Variants in PSD3 observed in about 807,000 individuals in gnomAD.
PSD3 encodes the protein pleckstrin and Sec7 domain containing 3, also known as PH and SEC7 domain-containing protein 3.
PSD3 carries 49 observed loss-of-function variants against 105.5 expected under a neutral mutation model. That is an observed-to-expected ratio of 0.46 (90% CI 0.37 to 0.59). The LOEUF (loss-of-function observed/expected upper bound fraction) is 0.59. Ranked by LOEUF, PSD3 falls within the 20% of genes least tolerant of loss-of-function variation. The probability of loss-of-function intolerance (pLI) is 0.00; values close to 1 mark genes in which losing one functional copy is unlikely to be tolerated. For synonymous variants in PSD3, 557 were observed against 457.8 expected (o/e 1.22, Z -2.77); for missense variants, 1,561 against 1,263.8 (o/e 1.24, Z -3.57).
intron 2 of PSD3, among the ~76,000 whole-genome samples, chr8:18,932,004 T>G (rs1350733513): frequency 1.3e-5 from 2 of 152,218 alleles, no homozygotes; most frequent in African/African-American, 4.8e-5. Context: ...TCTTGAGTCC[T>G]CAGTTTCCAC....
intron 1 of PSD3, among the ~76,000 whole-genome samples, chr8:19,078,148 G>A (rs553732926): frequency 6.6e-6 from 1 of 151,774 alleles, no homozygotes; most frequent in East Asian, 1.9e-4. Context: ...TTCCTTCCTC[G>A]GCCTCCCAAA....
At chr8:18,594,671 C>T (rs935708703) in intron 12 of PSD3, among the ~76,000 whole-genome samples, 2 of 151,054 alleles carry the variant, frequency 1.3e-5, no homozygotes, top group African/African-American at 4.9e-5. Context: ...TTCTAGGACC[C>T]CTGATGGACA....
intron 14 of PSD3, among the ~76,000 whole-genome samples, chr8:18,568,447 AG>A (rs1296475311): frequency 2.0e-5 from 3 of 151,938 alleles, no homozygotes; most frequent in Non-Finnish European, 4.4e-5. Flanking sequence ...CTAAGAAGCA[AG>A]GGGGGAAATC....
At chr8:18,995,237 T>C (rs552843696) in intron 1 of PSD3, among the ~76,000 whole-genome samples, 5 of 152,098 alleles carry the variant, frequency 3.3e-5, no homozygotes, top group Non-Finnish European at 7.4e-5. Flanking sequence ...AAATATGGCC[T>C]TGGGATGTGA....
intron 2 of PSD3, among the ~76,000 whole-genome samples, chr8:18,908,459 T>C (rs1819985555): frequency 6.6e-6 from 1 of 152,186 alleles, no homozygotes; most frequent in Admixed American, 6.5e-5. Flanking sequence ...AAATAATACT[T>C]ACCTTTCAAG....
chr8:18,684,146 G>A lies in PSD3; in HGVS notation c.2173-28461C>T, dbSNP rs549487733. The stretch of plus-strand genomic sequence containing the variant: ...TCTGATTGTTCCAGGCACAGCTCAC[G>A]TCACTGGCTGCAAAGAGGAAAAAAA... On this transcript the variant is annotated intron_variant, in intron 9 of 15. Transcript: ENST00000327040. 6 of 440,626 alleles carry A rather than the reference G, an allele frequency of 1.4e-5. No homozygotes were observed. The East Asian group carries it at 1.5e-4, about 11-fold the overall frequency. The allele number at this position is 440,626 out of a possible 1,614,324, so 27.3% of individuals were successfully genotyped here.
At chr8:19,040,876 T>C (rs937052281) in intron 1 of PSD3, among the ~76,000 whole-genome samples, 4 of 152,132 alleles carry the variant, frequency 2.6e-5, no homozygotes, top group African/African-American at 9.7e-5. Context: ...CTGCGAAGCT[T>C]GATCCCATTT....
At chr8:18,561,683 T>C (rs1226243873) in intron 14 of PSD3, among the ~76,000 whole-genome samples, 1 of 152,190 alleles carries the variant, frequency 6.6e-6, no homozygotes, top group Non-Finnish European at 1.5e-5. Flanking sequence ...ATATGGTCAA[T>C]TAAAATTGTT....
chr8:18,824,918 C>T (rs986896364), intron 4 of PSD3, among the ~76,000 whole-genome samples: 3 of 152,120 alleles, frequency 2.0e-5, no homozygotes, highest in Non-Finnish European at 4.4e-5. Flanking sequence ...GCCCTCTTTC[C>T]ATAAGTCCCC....
At chr8:18,918,609 A>T (rs1049854387) in intron 2 of PSD3, among the ~76,000 whole-genome samples, 1 of 152,222 alleles carries the variant, frequency 6.6e-6, no homozygotes, top group Non-Finnish European at 1.5e-5. Flanking sequence ...ACATACTAAT[A>T]AACAAAAAAC....
intron 1 of PSD3, among the ~76,000 whole-genome samples, chr8:18,988,487 A>T (rs994518189): frequency 6.6e-6 from 1 of 152,212 alleles, no homozygotes; most frequent in Non-Finnish European, 1.5e-5. Context: ...TTTCTAGGCC[A>T]TTGCCCTTGG....
intron 12 of PSD3, among the ~76,000 whole-genome samples, chr8:18,594,882 T>C (rs1803975266): frequency 6.6e-6 from 1 of 152,134 alleles, no homozygotes. Flanking sequence ...TTTTGAAACT[T>C]TGTGGAACTT....
rs114393580 is a variant in PSD3 at position 18,612,124 on chromosome 8, C to G, written c.2411-11690G>C. On this transcript the variant is annotated intron_variant, in intron 11 of 15. Transcript: ENST00000327040. The stretch of plus-strand genomic sequence containing the variant: ...AAATTATTATAACCCACAAAGCAGC[C>G]TTACATAAAAAAAAGTTACAATCCT... 8.6e-3 allele frequency among the ~76,000 whole-genome samples: 1,311 copies of G among 151,888 alleles called. 17 individuals are homozygous for G. Among genetic ancestry groups the G allele is most frequent in the African/African-American group, 0.03 (1,258 of 41,368 alleles).
At chr8:19,010,102 T>C (rs940474345) in intron 1 of PSD3, among the ~76,000 whole-genome samples, 16 of 152,228 alleles carry the variant, frequency 1.1e-4, no homozygotes, top group Admixed American at 3.9e-4. Flanking sequence ...CTCACTGATG[T>C]ACACTCAGAG....
intron 9 of PSD3, among the ~76,000 whole-genome samples, chr8:18,755,275 C>T (rs1336452186): frequency 6.6e-6 from 1 of 151,878 alleles, no homozygotes; most frequent in African/African-American, 2.4e-5. Context: ...ACTAAAAATA[C>T]AAAAATTAGC....
At chr8:18,615,361 C>T (rs550599095) in intron 11 of PSD3, among the ~76,000 whole-genome samples, 4 of 152,138 alleles carry the variant, frequency 2.6e-5, no homozygotes, top group Non-Finnish European at 5.9e-5. Flanking sequence ...CTAACCCTAG[C>T]CAATAAGGGA....
intron 10 of PSD3, among the ~76,000 whole-genome samples, chr8:18,654,523 A>C (rs571824907): frequency 6.6e-6 from 1 of 152,344 alleles, no homozygotes; most frequent in African/African-American, 2.4e-5. Context: ...TTCCATAATA[A>C]TTTTATAAAA....
intron 9 of PSD3, among the ~76,000 whole-genome samples, chr8:18,658,517 T>C (rs1427609496): frequency 7.0e-6 from 1 of 143,404 alleles, no homozygotes; most frequent in Non-Finnish European, 1.5e-5. Context: ...ATAGATACTA[T>C]ATAATTCTTT....
At chr8:18,964,297 T>A (rs1039295559) in intron 1 of PSD3, among the ~76,000 whole-genome samples, 10 of 151,888 alleles carry the variant, frequency 6.6e-5, no homozygotes, top group Admixed American at 6.6e-4. Flanking sequence ...TTGTTTTAAC[T>A]TTTTTTTGTA....
Sources: allele counts gnomAD v4.1 joint callset (sites outside exome capture counted in the v4.1 genomes callset), GRCh38; gene constraint gnomAD v4.1.1; transcripts MANE v1.5; gene names NCBI Gene and HGNC (gene_info 2026-07-23, HGNC 2026-07-21).